Variants in CTNNA3 observed in about 807,000 individuals in gnomAD.
CTNNA3 encodes catenin alpha 3.
In CTNNA3, 76 loss-of-function variants were observed where a neutral mutation model predicts 95.7. That is an observed-to-expected ratio of 0.79 (90% CI 0.66 to 0.96). The LOEUF (loss-of-function observed/expected upper bound fraction) is 0.96, where lower values mean the gene tolerates loss of function less well. Among genes scored for constraint, CTNNA3 ranks in the 40% least tolerant of loss-of-function variants. The pLI is 0.00. For synonymous variants in CTNNA3, 431 were observed against 374.4 expected (o/e 1.15, Z -1.74); for missense variants, 1,191 against 1,089.8 (o/e 1.09, Z -1.31).
intron 5 of CTNNA3, among the ~76,000 whole-genome samples, chr10:67,385,858 G>T (rs1844140860): frequency 6.6e-6 from 1 of 151,940 alleles, no homozygotes; most frequent in Non-Finnish European, 1.5e-5. Flanking sequence ...AAAAAACCTG[G>T]GGAGTGTTGG....
At chr10:66,578,775 T>G (rs1218479716) in intron 10 of CTNNA3, among the ~76,000 whole-genome samples, 1 of 98,820 alleles carries the variant, frequency 1.0e-5, no homozygotes, top group Non-Finnish European at 2.1e-5. Context: ...TGGCCTGATA[T>G]TTTTCTTTCT....
At chr10:67,342,187 C>T (rs554940870) in intron 5 of CTNNA3, among the ~76,000 whole-genome samples, 2 of 145,082 alleles carry the variant, frequency 1.4e-5, no homozygotes, top group Non-Finnish European at 3.0e-5. Context: ...CGGCAAGCTC[C>T]GCCTCCCGGG....
chr10:66,876,353 G>A (rs571198569), intron 7 of CTNNA3, among the ~76,000 whole-genome samples: 165 of 152,160 alleles, frequency 1.1e-3, no homozygotes, highest in Middle Eastern at 0.01. Flanking sequence ...TTGAGATAAA[G>A]AACATTTGAA....
At chr10:66,557,041 AT>A (rs1051540619) in intron 10 of CTNNA3, among the ~76,000 whole-genome samples, 6 of 151,852 alleles carry the variant, frequency 4.0e-5, no homozygotes, top group Non-Finnish European at 7.4e-5. Flanking sequence ...TACAACTGCA[AT>A]TTTTTTTCAT....
chr10:66,104,059 A>G (rs978465300), intron 13 of CTNNA3, among the ~76,000 whole-genome samples: 4 of 152,228 alleles, frequency 2.6e-5, no homozygotes, highest in Admixed American at 6.5e-5. Context: ...TCAAAATGCC[A>G]CCAGAAATTA....
At chr10:66,644,348 A>G (rs1845626606) in intron 9 of CTNNA3, among the ~76,000 whole-genome samples, 1 of 147,830 alleles carries the variant, frequency 6.8e-6, no homozygotes, top group Non-Finnish European at 1.5e-5. Context: ...CATATATTAT[A>G]TATATTTTAC....
At chr10:67,338,768 G>A (rs1447975813) in intron 5 of CTNNA3, among the ~76,000 whole-genome samples, 1 of 152,152 alleles carries the variant, frequency 6.6e-6, no homozygotes, top group Non-Finnish European at 1.5e-5. Flanking sequence ...AGATGGATGA[G>A]GTAAAAGACA....
intron 13 of CTNNA3, among the ~76,000 whole-genome samples, chr10:66,135,196 CA>C (rs1451742192): frequency 6.6e-6 from 1 of 152,070 alleles, no homozygotes; most frequent in Non-Finnish European, 1.5e-5. Context: ...AAACACATAA[CA>C]CCGAGGTTTT....
intron 7 of CTNNA3, among the ~76,000 whole-genome samples, chr10:66,948,680 G>A (rs565634632): frequency 1.3e-5 from 2 of 152,052 alleles, no homozygotes; most frequent in Non-Finnish European, 2.9e-5. Flanking sequence ...TCCTGGACTG[G>A]TAAACCACAT....
chr10:66,790,339 C>T (rs1840920831), intron 7 of CTNNA3, among the ~76,000 whole-genome samples: 1 of 152,054 alleles, frequency 6.6e-6, no homozygotes. Context: ...ATCCCAGCTA[C>T]TCGGGAGACT....
intron 7 of CTNNA3, among the ~76,000 whole-genome samples, chr10:67,157,414 GAAGGC>G (rs902333990): frequency 1.3e-5 from 2 of 152,152 alleles, no homozygotes; most frequent in Admixed American, 6.5e-5. Context: ...CCAAAAGGGA[GAAGGC>G]AGCCCCTCCT....
intron 7 of CTNNA3, among the ~76,000 whole-genome samples, chr10:67,045,617 C>T (rs180759554): frequency 1.3e-5 from 2 of 152,298 alleles, no homozygotes; most frequent in South Asian, 2.1e-4. Context: ...GCTGCCTTTG[C>T]GGCCAGACCC....
At chr10:66,018,545 G>A (rs114967010) in intron 15 of CTNNA3, among the ~76,000 whole-genome samples, 1 of 151,878 alleles carries the variant, frequency 6.6e-6, no homozygotes, top group Non-Finnish European at 1.5e-5. Flanking sequence ...TCACAATTCA[G>A]GTAGAGCAAT....
chr10:66,173,634 C>T lies in CTNNA3; in HGVS notation c.1885-70385G>A, dbSNP rs1046674251. ...GGAGGTAGAGGGTGCAGTGAGCCAT[C>T]ATCATGTCACTGTACTCCAGTATGG... is the stretch of plus-strand genomic sequence containing the variant. On this transcript the variant is annotated intron_variant, in intron 13 of 17. Transcript: ENST00000433211. Among the ~76,000 whole-genome samples the T allele has an allele frequency of 1.9e-4, 29 of 151,868 alleles. 1 individual carries two copies. Among genetic ancestry groups the T allele is most frequent in the Non-Finnish European group, 7.4e-5 (5 of 67,968 alleles).
intron 7 of CTNNA3, among the ~76,000 whole-genome samples, chr10:67,059,293 T>C (rs992039640): frequency 6.6e-6 from 1 of 152,148 alleles, no homozygotes; most frequent in Non-Finnish European, 1.5e-5. Flanking sequence ...ATTGACATCA[T>C]GTTAGTGATG....
chr10:66,239,244 A>C (rs2132033646), intron 13 of CTNNA3, among the ~76,000 whole-genome samples: 1 of 151,830 alleles, frequency 6.6e-6, no homozygotes, highest in African/African-American at 2.4e-5. Context: ...ATTTTATTTT[A>C]ATGCTAAAAT....
At chr10:67,456,230 G>T (rs191052069) in intron 5 of CTNNA3, among the ~76,000 whole-genome samples, 1 of 152,064 alleles carries the variant, frequency 6.6e-6, no homozygotes, top group African/African-American at 2.4e-5. Flanking sequence ...GTACCAAAGA[G>T]AATTAAGAGG....
At chr10:67,028,994 T>TC (rs1853562946) in intron 7 of CTNNA3, among the ~76,000 whole-genome samples, 1 of 152,152 alleles carries the variant, frequency 6.6e-6, no homozygotes, top group Non-Finnish European at 1.5e-5. Context: ...ATATCGCAAC[T>TC]CCCCACTAAG....
At chr10:67,337,573 A>G (rs1319718884) in intron 5 of CTNNA3, among the ~76,000 whole-genome samples, 1 of 152,194 alleles carries the variant, frequency 6.6e-6, no homozygotes, top group Non-Finnish European at 1.5e-5. Flanking sequence ...AAGAAGTTAT[A>G]TTATGGGTAA....
Sources: allele counts gnomAD v4.1 joint callset (sites outside exome capture counted in the v4.1 genomes callset), GRCh38; gene constraint gnomAD v4.1.1; transcripts MANE v1.5; gene names NCBI Gene and HGNC (gene_info 2026-07-23, HGNC 2026-07-21).